The following ENPP6 variants were observed in gnomAD, a reference collection of about 807,000 sequenced individuals.
The protein encoded by ENPP6 is ectonucleotide pyrophosphatase/phosphodiesterase 6, also known as glycerophosphocholine cholinephosphodiesterase ENPP6.
ENPP6 carries 32 observed loss-of-function variants against 42.0 expected under a neutral mutation model. That is an observed-to-expected ratio of 0.76 (90% confidence interval 0.58 to 1.02). The LOEUF (loss-of-function observed/expected upper bound fraction) is 1.02. Ranked by LOEUF, ENPP6 falls within the 50% of genes least tolerant of loss-of-function variation. The pLI is 0.00. For synonymous variants in ENPP6, 213 were observed against 216.0 expected, an observed-to-expected ratio of 0.99 and a Z score of 0.12; for missense variants, 552 against 566.8, an observed-to-expected ratio of 0.97 and a Z score of 0.27.
At chr4:184,126,512 G>A (rs1362360383) in intron 2 of ENPP6, among the ~76,000 whole-genome samples, 5 of 152,152 alleles carry the variant, frequency 3.3e-5, no homozygotes, top group African/African-American at 1.2e-4. Context: ...GGTAGGATAG[G>A]AGAATCAAGA....
chr4:184,117,145 G>A, intron 4 of ENPP6, 110 bp from the exon 5 acceptor site: 1 of 1,319,330 alleles, frequency 7.6e-7, no homozygotes, highest in Non-Finnish European at 1.0e-6. Context: ...TCAGTTCTGT[G>A]TTTAATCTTC....
Position 184,113,959 on chromosome 4 carries a change from CT to C in ENPP6, c.856-1151del, listed in dbSNP as rs1320493422. ...TCTTTCTTTCTTTCTTTCTTTCTTTCTTTCTCTCTTTCTTTCTTTCTTTTTG... is the reference window on the plus strand; with the variant it reads ...TCTTTCTTTCTTTCTTTCTTTCTTTCTTCTCTCTTTCTTTCTTTCTTTTTG... On this transcript the variant is annotated intron_variant, in intron 5 of 7. Coordinates refer to ENST00000296741, the MANE Select transcript of ENPP6 (RefSeq NM_153343.4). Among the ~76,000 whole-genome samples the C allele has an allele frequency of 1.7e-4, 22 of 128,794 alleles. 1 individual carries two copies. Among genetic ancestry groups the C allele is most frequent in the Admixed American group, 1.7e-3 (21 of 12,636 alleles). 84.5% of individuals were successfully genotyped at this position (128,794 alleles called of 152,430 possible).
At chr4:184,172,911 G>A (rs1385231747) in intron 1 of ENPP6, among the ~76,000 whole-genome samples, 1 of 152,018 alleles carries the variant, frequency 6.6e-6, no homozygotes, top group African/African-American at 2.4e-5. Context: ...TTTTTTGTTT[G>A]TTTGTTTGTG....
At chr4:184,091,904 G>T (rs1735810755) in intron 7 of ENPP6, among the ~76,000 whole-genome samples, 1 of 152,110 alleles carries the variant, frequency 6.6e-6, no homozygotes, top group African/African-American at 2.4e-5. Context: ...TCAAAAAAAG[G>T]TAATCAGCAA....
chr4:184,208,670 C>T (rs1037177094), intron 1 of ENPP6, among the ~76,000 whole-genome samples: 9 of 149,220 alleles, frequency 6.0e-5, no homozygotes, highest in African/African-American at 1.8e-4. Flanking sequence ...GGGAGGGGCG[C>T]CCGCCATTGC....
At chr4:184,208,652 G>T (rs374825616) in intron 1 of ENPP6, among the ~76,000 whole-genome samples, 1 of 148,504 alleles carries the variant, frequency 6.7e-6, no homozygotes, top group Non-Finnish European at 1.5e-5. Flanking sequence ...AGGCGGCAGC[G>T]AGGCTGGGGG....
At chr4:184,185,045 G>T (rs545098435) in intron 1 of ENPP6, among the ~76,000 whole-genome samples, 1 of 152,154 alleles carries the variant, frequency 6.6e-6, no homozygotes, top group East Asian at 1.9e-4. Flanking sequence ...GATAATCAAA[G>T]AATTTTCTGA....
At chr4:184,099,178 T>A (rs765903495) in intron 6 of ENPP6, among the ~76,000 whole-genome samples, 27 of 152,186 alleles carry the variant, frequency 1.8e-4, no homozygotes, top group Non-Finnish European at 2.8e-4. Flanking sequence ...TCCCGGTGCC[T>A]GGGCCCCTTC....
At chr4:184,098,141 G>A (rs1003939494) in intron 6 of ENPP6, among the ~76,000 whole-genome samples, 4 of 152,194 alleles carry the variant, frequency 2.6e-5, no homozygotes, top group African/African-American at 9.7e-5. Context: ...GCTTTCCTGA[G>A]TTCAGTGATT....
At chr4:184,104,121 G>A (rs932325911) in intron 6 of ENPP6, among the ~76,000 whole-genome samples, 4 of 151,874 alleles carry the variant, frequency 2.6e-5, no homozygotes, top group East Asian at 3.9e-4. Context: ...CCATCAGAAC[G>A]CATGCAGCTT....
At chr4:184,170,867 G>A (rs1737449922) in intron 1 of ENPP6, among the ~76,000 whole-genome samples, 1 of 152,010 alleles carries the variant, frequency 6.6e-6, no homozygotes, top group Admixed American at 6.6e-5. Context: ...GCATGTAATG[G>A]TTTTAGCAAC....
At chr4:184,114,725 C>T (rs944062783) in intron 5 of ENPP6, among the ~76,000 whole-genome samples, 10 of 149,458 alleles carry the variant, frequency 6.7e-5, no homozygotes, top group South Asian at 2.1e-4. Flanking sequence ...GGAGACAGCA[C>T]GTTCCTAAGT....
intron 1 of ENPP6, among the ~76,000 whole-genome samples, chr4:184,176,705 G>A (rs542910015): frequency 1.4e-5 from 2 of 147,490 alleles, no homozygotes; most frequent in East Asian, 4.1e-4. Context: ...GAACTTTTAT[G>A]AAAGTGACAT....
At chr4:184,141,101 A>C (rs1736812233) in intron 2 of ENPP6, among the ~76,000 whole-genome samples, 1 of 152,150 alleles carries the variant, frequency 6.6e-6, no homozygotes, top group South Asian at 2.1e-4. Context: ...CACTTCTCAA[A>C]AGAAGACATT....
At chr4:184,154,358 TGA>T (rs1314262525) in intron 1 of ENPP6, among the ~76,000 whole-genome samples, 1 of 152,208 alleles carries the variant, frequency 6.6e-6, no homozygotes, top group Non-Finnish European at 1.5e-5. Context: ...AAGCCAGAAG[TGA>T]GAGACGCAAA....
intron 1 of ENPP6, among the ~76,000 whole-genome samples, chr4:184,157,714 G>A (rs973099481): frequency 1.3e-5 from 2 of 150,574 alleles, no homozygotes; most frequent in African/African-American, 4.9e-5. Context: ...CCCAGGTTCA[G>A]CCTCCTCCTC....
intron 6 of ENPP6, among the ~76,000 whole-genome samples, chr4:184,102,280 G>T (rs928020254): frequency 2.6e-5 from 4 of 152,178 alleles, no homozygotes; most frequent in African/African-American, 4.8e-5. Flanking sequence ...TCAGAAATGC[G>T]AGGCTGCGCT....
At chr4:184,148,353 T>C (rs1197500697) in intron 2 of ENPP6, among the ~76,000 whole-genome samples, 1 of 152,252 alleles carries the variant, frequency 6.6e-6, no homozygotes, top group Non-Finnish European at 1.5e-5. Flanking sequence ...ACATAATGGA[T>C]GCTGCTAAAA....
Position 184,090,668 on chromosome 4 carries a change from A to T in ENPP6, c.*509T>A. ...ATTCCATGAGCTGGGTCAGAAATAGACAGTAGCTTTTGCTTTCATGTAGAC... is the reference window on the plus strand; with the variant it reads ...ATTCCATGAGCTGGGTCAGAAATAGTCAGTAGCTTTTGCTTTCATGTAGAC... On this transcript the variant is annotated 3_prime_UTR_variant, in exon 8 of 8. Coordinates refer to ENST00000296741, the MANE Select transcript of ENPP6 (RefSeq NM_153343.4). 4.3e-6 allele frequency: 1 copy of T among 230,922 alleles called. No individual in the cohort carries two copies. Among genetic ancestry groups the T allele is most frequent in the Non-Finnish European group, 8.3e-6 (1 of 120,532 alleles). 14.3% of individuals were successfully genotyped at this position (230,922 alleles called of 1,614,324 possible).
Sources: allele counts gnomAD v4.1 joint callset (sites outside exome capture counted in the v4.1 genomes callset), GRCh38; gene constraint gnomAD v4.1.1; transcripts MANE v1.5; gene names NCBI Gene and HGNC (gene_info 2026-07-23, HGNC 2026-07-21).